ROS1: variants seen among roughly 807,000 people sequenced by gnomAD.
ROS1 encodes proto-oncogene tyrosine-protein kinase ROS.
A neutral mutation model predicts 273.5 loss-of-function variants in ROS1; 263 were observed. That is an observed-to-expected ratio of 0.96 (90% CI 0.87 to 1.06). ROS1 has a LOEUF of 1.06. Ranked by LOEUF, ROS1 falls within the 50% of genes least tolerant of loss-of-function variation. ROS1 has a pLI of 0.00. For synonymous variants in ROS1, 1,008 were observed against 954.1 expected (o/e 1.06, Z -1.04); for missense variants, 2,833 against 2,751.1 (o/e 1.03, Z -0.67).
At chr6:117,333,837 A>G (rs117014103) in intron 32 of ROS1, among the ~76,000 whole-genome samples, 14,415 of 152,264 alleles carry the variant, frequency 0.095, 876 homozygotes, top group Middle Eastern at 0.14. Flanking sequence ...TTTTTATGGA[A>G]CATATCTCTA....
intron 37 of ROS1, among the ~76,000 whole-genome samples, chr6:117,318,740 G>A (rs780264325): frequency 6.6e-6 from 1 of 152,092 alleles, no homozygotes; most frequent in Non-Finnish European, 1.5e-5. Context: ...AACTGCTGAG[G>A]CGGGAAGGGA....
intron 26 of ROS1, among the ~76,000 whole-genome samples, chr6:117,355,974 G>T (rs1035178708): frequency 1.2e-4 from 18 of 152,130 alleles, no homozygotes; most frequent in African/African-American, 4.3e-4. Context: ...ACTGGGCAAT[G>T]AAAAGTAATT....
chr6:117,416,355 A>C (rs1368096443), intron 2 of ROS1, 38 bp from the exon 3 acceptor site: 1 of 1,375,340 alleles, frequency 7.3e-7, no homozygotes, highest in Non-Finnish European at 1.0e-6. Context: ...GAGTGATTGA[A>C]GAAATGTGAC....
chr6:117,354,103 C>A (rs909476675), intron 26 of ROS1, among the ~76,000 whole-genome samples: 3 of 152,124 alleles, frequency 2.0e-5, no homozygotes, highest in Admixed American at 1.3e-4. Flanking sequence ...GTAATCCCAG[C>A]ACTTTGGGAG....
chr6:117,423,562 T>C (rs1775915555), intron 1 of ROS1, among the ~76,000 whole-genome samples: 1 of 152,202 alleles, frequency 6.6e-6, no homozygotes. Flanking sequence ...AGTTAATACT[T>C]TCAACTAGTA....
At chr6:117,297,641 G>A (rs1016260438) in intron 43 of ROS1, among the ~76,000 whole-genome samples, 6 of 152,104 alleles carry the variant, frequency 3.9e-5, no homozygotes, top group South Asian at 4.2e-4. Flanking sequence ...CCTAATCATC[G>A]GCGAAATGCA....
At chr6:117,291,432 A>G (rs973013584) in intron 43 of ROS1, among the ~76,000 whole-genome samples, 2 of 152,224 alleles carry the variant, frequency 1.3e-5, no homozygotes, top group Non-Finnish European at 2.9e-5. Flanking sequence ...CTAGCAGGTC[A>G]TAAGTAATCA....
chr6:117,387,999 C>A lies in ROS1; in HGVS notation c.1787-7G>T. On this transcript the variant is annotated splice_region_variant and splice_polypyrimidine_tract_variant and intron_variant, in intron 13 of 43. Transcript: ENST00000368507. ...TTCTGCCAGGCAGAAGGGCCTAATT[C>A]AAAGAGTTCAATAATATCACTGATC... The A allele has an allele frequency of 1.2e-6, 2 of 1,614,154 alleles. No homozygotes were observed. Among genetic ancestry groups the A allele is most frequent in the Non-Finnish European group, 1.7e-6 (2 of 1,180,020 alleles).
chr6:117,413,903 C>G (rs886218129), intron 4 of ROS1, among the ~76,000 whole-genome samples: 1 of 152,100 alleles, frequency 6.6e-6, no homozygotes, highest in Non-Finnish European at 1.5e-5. Context: ...ATCACTTAAA[C>G]CTGGGAGGCA....
chr6:117,398,447 C>T (rs1309245060), intron 7 of ROS1, among the ~76,000 whole-genome samples: 3 of 152,138 alleles, frequency 2.0e-5, no homozygotes, highest in African/African-American at 4.8e-5. Context: ...GAAGGCCAAA[C>T]GTGGACCAAT....
chr6:117,384,329 CTGATGA>C lies in ROS1; in HGVS notation c.2290-827_2290-822del, dbSNP rs1003675160. 6.0e-4 allele frequency among the ~76,000 whole-genome samples: 92 copies of C among 152,256 alleles called. 1 individual carries two copies. The highest frequency in any genetic ancestry group is 2.1e-3 in the African/African-American group (86 of 41,552). ...TATCTCCTCAGAAGAGCAGGGACAACTGATGATGGCTGTACATCAATGGACACACTA... is the reference window on the plus strand; with the variant it reads ...TATCTCCTCAGAAGAGCAGGGACAACTGGCTGTACATCAATGGACACACTA... On this transcript the variant is annotated intron_variant, in intron 16 of 43. Coordinates refer to ENST00000368507, the MANE Select transcript of ROS1 (RefSeq NM_001378902.1).
chr6:117,391,244 C>T (rs1773042067), intron 12 of ROS1, among the ~76,000 whole-genome samples: 1 of 152,196 alleles, frequency 6.6e-6, no homozygotes, highest in Non-Finnish European at 1.5e-5. Flanking sequence ...AAAGCAAAAA[C>T]AGCTTGGCTC....
intron 5 of ROS1, among the ~76,000 whole-genome samples, chr6:117,405,291 A>T (rs1366733198): frequency 6.6e-6 from 1 of 152,106 alleles, no homozygotes; most frequent in African/African-American, 2.4e-5. Context: ...TAAAGTCTAT[A>T]CTCTGTAATC....
At chr6:117,399,608 G>T (rs144109727) in intron 7 of ROS1, among the ~76,000 whole-genome samples, 55 of 152,288 alleles carry the variant, frequency 3.6e-4, no homozygotes, top group Non-Finnish European at 4.4e-5. Context: ...CCAGCCTGGA[G>T]CATGTCTTCC....
chr6:117,418,605 C>G, intron 1 of ROS1, 99 bp from the exon 2 acceptor site: 1 of 790,834 alleles, frequency 1.3e-6, no homozygotes, highest in South Asian at 2.1e-5. Context: ...ACGTTGCCTC[C>G]TCCGCATTTT....
chr6:117,352,559 T>G (rs1778962864), intron 27 of ROS1, among the ~76,000 whole-genome samples: 1 of 152,170 alleles, frequency 6.6e-6, no homozygotes, highest in Non-Finnish European at 1.5e-5. Flanking sequence ...ATATTAATAC[T>G]TAGTGATTTG....
At chr6:117,385,348 A>T (rs1438405881) in intron 16 of ROS1, among the ~76,000 whole-genome samples, 1 of 152,166 alleles carries the variant, frequency 6.6e-6, no homozygotes, top group African/African-American at 2.4e-5. Context: ...TGAGGTCAGG[A>T]GTTCGAGACC....
chr6:117,394,484 A>C (rs900837824), intron 10 of ROS1, 132 bp downstream of exon 10: 3 of 831,542 alleles, frequency 3.6e-6, no homozygotes, highest in Non-Finnish European at 4.9e-6. Context: ...TATTCTTCTA[A>C]ATTATTCTAA....
chr6:117,396,913 A>G lies in ROS1; in HGVS notation c.806+2T>C. The G allele has an allele frequency of 1.3e-6, 2 of 1,599,728 alleles. No individual in the cohort carries two copies. The highest frequency in any genetic ancestry group is 1.3e-5 in the African/African-American group (1 of 74,688). ...TTTTCCTCTGTATCACTTAATTCTT[A>G]CCTGTAGATAGTATTTGGTAAAGTG... On this transcript the variant is annotated splice_donor_variant, in intron 8 of 43. Transcript: ENST00000368507. LOFTEE classifies it high-confidence loss of function.
Sources: allele counts gnomAD v4.1 joint callset (sites outside exome capture counted in the v4.1 genomes callset), GRCh38; gene constraint gnomAD v4.1.1; transcripts MANE v1.5; gene names NCBI Gene and HGNC (gene_info 2026-07-23, HGNC 2026-07-21).